The following EPYC variants were observed in gnomAD, a reference collection of about 807,000 sequenced individuals.
The protein encoded by EPYC is epiphycan, also known as dermatan sulfate proteoglycan 3.
EPYC carries 28 observed loss-of-function variants against 30.1 expected under a neutral mutation model. The ratio of observed to expected loss-of-function variants is 0.93; its 90% CI spans 0.69 to 1.28. The LOEUF (loss-of-function observed/expected upper bound fraction) is 1.28. Among genes scored for constraint, EPYC ranks in the 50% most tolerant of loss-of-function variants. The pLI is 0.00. For missense variants in EPYC, 382 were observed against 383.5 expected, an observed-to-expected ratio of 1.00 and a Z score of 0.03; for synonymous variants, 144 against 141.4, an observed-to-expected ratio of 1.02 and a Z score of -0.13.
chr12:90,991,958 G>A (rs976453599), intron 2 of EPYC, among the ~76,000 whole-genome samples: 5 of 152,128 alleles, frequency 3.3e-5, no homozygotes, highest in South Asian at 2.1e-4. Context: ...CTAGGCTCCT[G>A]GGGGCACAGA....
intron 6 of EPYC, among the ~76,000 whole-genome samples, chr12:90,964,914 C>A (rs192351922): frequency 6.6e-6 from 1 of 152,224 alleles, no homozygotes; most frequent in East Asian, 1.9e-4. Flanking sequence ...ATAAAATTCA[C>A]CCACTTAAAT....
intron 6 of EPYC, 51 bp downstream of exon 6, chr12:90,969,993 G>T (rs1415500472): frequency 6.1e-6 from 8 of 1,308,522 alleles, no homozygotes; most frequent in Admixed American, 5.2e-5. Context: ...TGTCCTTTTT[G>T]GCTTTGCTTT....
chr12:90,966,574 G>A (rs561903389), intron 6 of EPYC, among the ~76,000 whole-genome samples: 1 of 152,184 alleles, frequency 6.6e-6, no homozygotes, highest in African/African-American at 2.4e-5. Flanking sequence ...TATTTATAAA[G>A]GATATTGGCC....
At chr12:90,995,690 C>T (rs917611082) in intron 2 of EPYC, among the ~76,000 whole-genome samples, 6 of 151,652 alleles carry the variant, frequency 4.0e-5, no homozygotes, top group Non-Finnish European at 7.4e-5. Context: ...AAAGAAGTCA[C>T]CAGCAAAGAT....
chr12:90,972,331 A>G (rs1055401625), intron 4 of EPYC, among the ~76,000 whole-genome samples: 4 of 152,190 alleles, frequency 2.6e-5, no homozygotes, highest in East Asian at 1.9e-4. Context: ...TCAAAGATAC[A>G]GGCATTAGAA....
intron 6 of EPYC, among the ~76,000 whole-genome samples, chr12:90,968,148 TATC>T (rs2120794876): frequency 6.6e-6 from 1 of 152,300 alleles, no homozygotes; most frequent in South Asian, 2.1e-4. Flanking sequence ...TTAACCCTCT[TATC>T]ATTATAAAGT....
intron 2 of EPYC, among the ~76,000 whole-genome samples, chr12:90,983,189 T>C (rs555940901): frequency 7.9e-5 from 12 of 152,304 alleles, no homozygotes; most frequent in Middle Eastern, 3.4e-3. Context: ...ATGTGAGGTA[T>C]GCATTTGTCA....
At chr12:90,981,196 C>T (rs1877316455) in intron 2 of EPYC, among the ~76,000 whole-genome samples, 1 of 152,088 alleles carries the variant, frequency 6.6e-6, no homozygotes, top group Admixed American at 6.6e-5. Context: ...GAAGAGATAA[C>T]TACCAAGAGA....
At chr12:91,000,043 T>C (rs1877787168) in intron 2 of EPYC, among the ~76,000 whole-genome samples, 1 of 152,116 alleles carries the variant, frequency 6.6e-6, no homozygotes, top group African/African-American at 2.4e-5. Flanking sequence ...TATTATAGCA[T>C]ATGTATATGC....
At chr12:90,997,384 T>C (rs1015990523) in intron 2 of EPYC, among the ~76,000 whole-genome samples, 1 of 152,068 alleles carries the variant, frequency 6.6e-6, no homozygotes, top group African/African-American at 2.4e-5. Flanking sequence ...CATCCTTCTA[T>C]AGAGCCTCTA....
At chr12:90,997,532 C>T (rs542809528) in intron 2 of EPYC, among the ~76,000 whole-genome samples, 3 of 152,158 alleles carry the variant, frequency 2.0e-5, no homozygotes, top group Non-Finnish European at 4.4e-5. Flanking sequence ...AAAACTATAA[C>T]ATGACAATGG....
chr12:91,003,384 T>C (rs1877876178), intron 1 of EPYC, among the ~76,000 whole-genome samples: 1 of 152,064 alleles, frequency 6.6e-6, no homozygotes, highest in Non-Finnish European at 1.5e-5. Flanking sequence ...CCAACAGGAA[T>C]ACATGTTTAA....
intron 4 of EPYC, 21 bp downstream of exon 4, chr12:90,972,801 C>T (rs556981118): frequency 3.7e-6 from 6 of 1,608,062 alleles, no homozygotes; most frequent in Admixed American, 1.7e-5. Context: ...CGGTGAAGGC[C>T]GTTAATGCTG....
chr12:90,995,850 C>T (rs1055863292), intron 2 of EPYC, among the ~76,000 whole-genome samples: 1 of 151,794 alleles, frequency 6.6e-6, no homozygotes, highest in Non-Finnish European at 1.5e-5. Flanking sequence ...AATGAGACAA[C>T]CATATTAAAA....
At chr12:90,981,817 C>T (rs927644211) in intron 2 of EPYC, among the ~76,000 whole-genome samples, 1 of 152,020 alleles carries the variant, frequency 6.6e-6, no homozygotes, top group African/African-American at 2.4e-5. Context: ...TGCCATTCAA[C>T]ATTGTGTTTG....
chr12:90,998,914 T>C (rs1416029835), intron 2 of EPYC, among the ~76,000 whole-genome samples: 1 of 152,060 alleles, frequency 6.6e-6, no homozygotes, highest in Non-Finnish European at 1.5e-5. Flanking sequence ...TCTGTAGGCC[T>C]GAGGACCACA....
At chr12:90,997,476 A>G (rs1358407417) in intron 2 of EPYC, among the ~76,000 whole-genome samples, 2 of 152,068 alleles carry the variant, frequency 1.3e-5, no homozygotes, top group African/African-American at 4.8e-5. Flanking sequence ...TTAGAAAACA[A>G]GTTGAAGCCC....
chr12:90,991,742 C>T (rs925346034), intron 2 of EPYC, among the ~76,000 whole-genome samples: 3 of 152,186 alleles, frequency 2.0e-5, no homozygotes, highest in Non-Finnish European at 2.9e-5. Context: ...CAAATCATTC[C>T]AATTTCAGTA....
chr12:90,994,226 C>T (rs1877649489), intron 2 of EPYC, among the ~76,000 whole-genome samples: 1 of 152,092 alleles, frequency 6.6e-6, no homozygotes, highest in Non-Finnish European at 1.5e-5. Flanking sequence ...CATCATAGCC[C>T]AAATCGAATC....
Sources: gnomAD v4.1 joint callset for allele counts (sites outside exome capture counted in the v4.1 genomes callset) on GRCh38, gnomAD v4.1.1 for gene constraint, MANE v1.5 for transcripts, NCBI Gene and HGNC (gene_info 2026-07-23, HGNC 2026-07-21) for gene names.